Variants in PIK3CA observed in about 807,000 individuals in gnomAD.
The protein encoded by PIK3CA is phosphatidylinositol 4,5-bisphosphate 3-kinase catalytic subunit alpha isoform.
A neutral mutation model predicts 138.2 loss-of-function variants in PIK3CA; 27 were observed. The observed-to-expected ratio is 0.20, with a 90% CI of 0.14 to 0.27. The LOEUF (loss-of-function observed/expected upper bound fraction) is 0.27, where lower values mean the gene tolerates loss of function less well. Ranked by LOEUF, PIK3CA falls within the 10% of genes least tolerant of loss-of-function variation. The pLI, the probability that PIK3CA is intolerant of heterozygous loss-of-function variation, is 1.00. For missense variants in PIK3CA, 544 were observed against 1,277.4 expected (o/e 0.43, Z 8.75); for synonymous variants, 358 against 413.2 (o/e 0.87, Z 1.62).
intron 1 of PIK3CA, among the ~76,000 whole-genome samples, chr3:179,155,408 C>A (rs1413712000): frequency 6.6e-6 from 1 of 152,128 alleles, no homozygotes; most frequent in Admixed American, 6.5e-5. Context: ...CTTATTTGAT[C>A]ATTTATTGAG....
chr3:179,195,240 T>A (rs192142070), intron 1 of PIK3CA, among the ~76,000 whole-genome samples: 1 of 150,424 alleles, frequency 6.6e-6, no homozygotes, highest in Non-Finnish European at 1.5e-5. Context: ...TGAAGCTCCT[T>A]ATTTACTTGC....
chr3:179,203,411 C>G, intron 4 of PIK3CA, 133 bp from the exon 5 acceptor site: 1 of 680,098 alleles, frequency 1.5e-6, no homozygotes, highest in South Asian at 2.7e-5. Flanking sequence ...ATAGGAACTA[C>G]TAGTAAATGT....
At position 179,222,235 on chromosome 3, in the gene PIK3CA, A is replaced by T. The variant is rs561150842; in HGVS notation, c.2187+1078A>T. Among the ~76,000 whole-genome samples, 31 of 152,234 alleles carry T rather than the reference A, an allele frequency of 2.0e-4. No individual in the cohort carries two copies. Among genetic ancestry groups the T allele is most frequent in the Admixed American group, 1.4e-3 (22 of 15,276 alleles). ...CAGCATCTTCATTACTAGTACTTGA[A>T]GGAAAAAAAAAAATTAAAACAAAGT... is the stretch of plus-strand genomic sequence containing the variant. On this transcript the variant is annotated intron_variant, in intron 14 of 20. Coordinates refer to ENST00000263967, the MANE Select transcript of PIK3CA (RefSeq NM_006218.4).
chr3:179,199,623 G>T, intron 2 of PIK3CA, 67 bp from the exon 3 acceptor site: 1 of 1,188,350 alleles, frequency 8.4e-7, no homozygotes, highest in Non-Finnish European at 1.2e-6. Context: ...TTCCCTGTTT[G>T]CAAAAAAAAC....
At chr3:179,201,168 A>T in intron 3 of PIK3CA, 122 bp from the exon 4 acceptor site, 2 of 797,742 alleles carry the variant, frequency 2.5e-6, no homozygotes, top group Non-Finnish European at 4.0e-6. Context: ...CCTAGTTTTA[A>T]TTGGGCTGAT....
chr3:179,234,041 AG>A lies in PIK3CA; in HGVS notation c.2937-51del. The A allele has an allele frequency of 7.5e-7, 1 of 1,335,996 alleles. No homozygotes were observed. Among genetic ancestry groups the A allele is most frequent in the Non-Finnish European group, 1.0e-6 (1 of 965,114 alleles). 82.8% of individuals were successfully genotyped at this position (1,335,996 alleles called of 1,614,324 possible). On this transcript the variant is annotated intron_variant, in intron 20 of 20. Coordinates refer to ENST00000263967, the MANE Select transcript of PIK3CA (RefSeq NM_006218.4). The surrounding 1 kb of genome is among the most constrained non-coding windows in gnomAD (Gnocchi z 5.1). ...TTGTGACATTTGAGCAAAGACCTGA[AG>A]GTATTAACATCATTTGCTCCAAACT...
At chr3:179,175,450 T>C (rs994056034) in intron 1 of PIK3CA, among the ~76,000 whole-genome samples, 1 of 152,214 alleles carries the variant, frequency 6.6e-6, no homozygotes, top group Non-Finnish European at 1.5e-5. Context: ...TACCTTGGTG[T>C]GCATCGTTTA....
intron 1 of PIK3CA, among the ~76,000 whole-genome samples, chr3:179,185,625 T>G (rs891659773): frequency 6.6e-6 from 1 of 152,220 alleles, no homozygotes; most frequent in South Asian, 2.1e-4. Flanking sequence ...AGCTTCAGGT[T>G]GTTTTACTTG....
intron 1 of PIK3CA, among the ~76,000 whole-genome samples, chr3:179,195,025 A>C (rs1258501726): frequency 2.0e-5 from 3 of 151,996 alleles, no homozygotes; most frequent in Admixed American, 1.3e-4. Context: ...AAAAAAAAAA[A>C]AAAAACACAG....
Position 179,214,129 on chromosome 3 carries a change from T to G in PIK3CA, c.1539+3564T>G, listed in dbSNP as rs188864593. Among the ~76,000 whole-genome samples, 14 of 152,358 alleles carry G rather than the reference T, an allele frequency of 9.2e-5. No individual in the cohort carries two copies. In the East Asian group the frequency reaches 2.7e-3, roughly 29 times the overall value. On this transcript the variant is annotated intron_variant, in intron 9 of 20. Coordinates refer to ENST00000263967, the MANE Select transcript of PIK3CA (RefSeq NM_006218.4). ...CTCCATTTCAGCATTAAGGCTGTTT[T>G]GTTTTCTTATACTTCATTCACTGAA...
intron 9 of PIK3CA, among the ~76,000 whole-genome samples, chr3:179,217,344 G>T (rs1209269219): frequency 1.3e-5 from 2 of 152,004 alleles, no homozygotes; most frequent in East Asian, 3.9e-4. Context: ...TTAGTGCAGG[G>T]TCTTTTACTA....
chr3:179,160,560 T>C (rs2108354035), intron 1 of PIK3CA, among the ~76,000 whole-genome samples: 2 of 152,354 alleles, frequency 1.3e-5, no homozygotes, highest in Admixed American at 1.3e-4. Context: ...TGGTCTCCAA[T>C]GTGGCCTGCA....
Position 179,219,156 on chromosome 3 carries a change from A to T in PIK3CA, c.1665-40A>T. ...TAGACATGTCAACCTTTTGAACAGC[A>T]TGCAAGAATGTTTATGTTTATTTTG... On this transcript the variant is annotated intron_variant, in intron 10 of 20. Coordinates refer to ENST00000263967, the MANE Select transcript of PIK3CA (RefSeq NM_006218.4). This position sits in a 1 kb window ranked among gnomAD's most constrained non-coding sequence, Gnocchi z 4.2. The T allele has an allele frequency of 2.4e-6, 3 of 1,237,878 alleles. No homozygotes were observed. Among genetic ancestry groups the T allele is most frequent in the Non-Finnish European group, 3.6e-6 (3 of 841,888 alleles). 76.7% of individuals were successfully genotyped at this position (1,237,878 alleles called of 1,614,324 possible). A position where few individuals can be genotyped will look rare whatever the true frequency, so the allele number is the denominator to read the frequency against.
At chr3:179,170,058 G>A (rs951019752) in intron 1 of PIK3CA, among the ~76,000 whole-genome samples, 6 of 98,360 alleles carry the variant, frequency 6.1e-5, no homozygotes, top group African/African-American at 9.4e-5. Flanking sequence ...ATGCACATGC[G>A]CGTGCACACG....
At chr3:179,183,855 TC>T (rs1363424721) in intron 1 of PIK3CA, among the ~76,000 whole-genome samples, 8 of 152,228 alleles carry the variant, frequency 5.3e-5, no homozygotes, top group Admixed American at 2.0e-4. Context: ...CAGTGTCTAA[TC>T]CTTGTTGTAT....
chr3:179,203,595 G>A lies in PIK3CA; in HGVS notation c.865G>A (p.Ala289Thr), dbSNP rs2108392673. 1 of 1,613,796 alleles carries A rather than the reference G, an allele frequency of 6.2e-7. No individual in the cohort carries two copies. Among genetic ancestry groups the A allele is most frequent in the Non-Finnish European group, 8.5e-7 (1 of 1,179,868 alleles). The change falls in exon 5 of 21, where the codon GCT becomes ACT. Residue 289 changes from alanine (A) to threonine (T), a missense_variant. Ala to Thr is a moderately conservative substitution (Grantham distance 58, BLOSUM62 0). Transcript: ENST00000263967. ...LGRMPNLMLM[A>T]KESLYSQLPM... Reference sequence around the variant, plus strand: ...GAGGATGCCCAATTTGATGTTGATGGCTAAAGAAAGCCTTTATTCTCAACT... The same window carrying A: ...GAGGATGCCCAATTTGATGTTGATGACTAAAGAAAGCCTTTATTCTCAACT...
At chr3:179,233,808 A>G (rs572374940) in intron 20 of PIK3CA, among the ~76,000 whole-genome samples, 1 of 152,326 alleles carries the variant, frequency 6.6e-6, no homozygotes, top group South Asian at 2.1e-4. Flanking sequence ...AGGATTTAGT[A>G]TGAACCAATT....
intron 1 of PIK3CA, among the ~76,000 whole-genome samples, chr3:179,177,514 T>A (rs183966009): frequency 6.6e-5 from 10 of 152,078 alleles, no homozygotes; most frequent in Admixed American, 6.6e-4. Flanking sequence ...GGTTTCATCA[T>A]GTTGGTCAGG....
chr3:179,221,307 T>C, intron 14 of PIK3CA, 150 bp downstream of exon 14: 1 of 567,666 alleles, frequency 1.8e-6, no homozygotes, highest in Non-Finnish European at 3.2e-6. Context: ...TGTGTAGTGT[T>C]AGACACGTCA....
Sources: gnomAD v4.1 joint callset for allele counts (sites outside exome capture counted in the v4.1 genomes callset) on GRCh38, gnomAD v4.1.1 for gene constraint, Gnocchi (gnomAD v3.1) non-coding constraint, MANE v1.5 for transcripts, NCBI Gene and HGNC (gene_info 2026-07-23, HGNC 2026-07-21) for gene names.